The following HSF2BP variants were observed in gnomAD, a reference collection of about 807,000 sequenced individuals.
HSF2BP encodes heat shock transcription factor 2 binding protein.
Under a neutral mutation model 35.0 loss-of-function variants are expected in HSF2BP, and 35 were observed. The observed-to-expected ratio is 1.00, with a 90% CI of 0.76 to 1.32. The LOEUF is 1.32. HSF2BP is among the 40% of genes most tolerant of loss of function. The pLI is 0.00. For synonymous variants in HSF2BP, 114 were observed against 117.4 expected, an observed-to-expected ratio of 0.97 and a Z score of 0.18; for missense variants, 326 against 321.7, an observed-to-expected ratio of 1.01 and a Z score of -0.10.
intron 7 of HSF2BP, among the ~76,000 whole-genome samples, chr21:43,608,056 C>T (rs1444466537): frequency 1.3e-5 from 2 of 151,954 alleles, no homozygotes; most frequent in East Asian, 3.9e-4. Context: ...TTGACTGAGT[C>T]CTCAAAAGCA....
At chr21:43,648,304 GAGA>G (rs1244074864) in intron 3 of HSF2BP, among the ~76,000 whole-genome samples, 1 of 152,226 alleles carries the variant, frequency 6.6e-6, no homozygotes, top group African/African-American at 2.4e-5. Flanking sequence ...TGGAGGACTA[GAGA>G]AGATGACCAA....
chr21:43,608,314 G>T (rs2082159892), intron 7 of HSF2BP, among the ~76,000 whole-genome samples: 1 of 152,056 alleles, frequency 6.6e-6, no homozygotes, highest in Non-Finnish European at 1.5e-5. Flanking sequence ...CTTCTTAAAA[G>T]AAAACATATA....
intron 6 of HSF2BP, among the ~76,000 whole-genome samples, chr21:43,629,525 G>A (rs560894759): frequency 9.8e-5 from 15 of 152,298 alleles, no homozygotes; most frequent in East Asian, 1.9e-4. Flanking sequence ...AGATCACGCC[G>A]TTGCACTCCA....
chr21:43,592,407 G>A, intron 7 of HSF2BP, 79 bp from the exon 8 acceptor site: 1 of 866,254 alleles, frequency 1.2e-6, no homozygotes, highest in Non-Finnish European at 1.9e-6. Flanking sequence ...TAGTTAAGAG[G>A]AACTTAACGT....
Position 43,658,250 on chromosome 21 carries a change from A to G in HSF2BP, c.-154T>C, listed in dbSNP as rs2082908494. The G allele has an allele frequency of 1.1e-6, 1 of 876,318 alleles. No homozygotes were observed. Among genetic ancestry groups the G allele is most frequent in the African/African-American group, 1.8e-5 (1 of 56,810 alleles). The allele number at this position is 876,318 out of a possible 1,614,324, so 54.3% of individuals were successfully genotyped here. On this transcript the variant is annotated 5_prime_UTR_variant, in exon 2 of 9. Coordinates refer to ENST00000291560, the MANE Select transcript of HSF2BP (RefSeq NM_007031.2). ...AATTTGCGCAGTATTCTCGGCCTAG[A>G]GAGCGAGGAGTGGCCTTGGCGAGGT...
chr21:43,616,052 A>AAAATAT (rs57115434), intron 6 of HSF2BP, among the ~76,000 whole-genome samples: 10 of 143,972 alleles, frequency 6.9e-5, no homozygotes, highest in African/African-American at 2.1e-4. Flanking sequence ...AAAAAAAAAA[A>AAAATAT]ATATATATAT....
At chr21:43,499,732 CACCACACACTCAT>C in the HSF2BP span, among the ~76,000 whole-genome samples, 2 of 122,242 alleles carry the variant, frequency 1.6e-5, 1 homozygote, top group Non-Finnish European at 3.8e-5. Context: ...CCTGCTCACA[CACCACACACTCAT>C]ACCACACACT....
At chr21:43,610,575 C>T (rs2082191782) in intron 7 of HSF2BP, among the ~76,000 whole-genome samples, 1 of 152,152 alleles carries the variant, frequency 6.6e-6, no homozygotes, top group Admixed American at 6.5e-5. Flanking sequence ...CACTGCACTC[C>T]AGCCTGGGTA....
intron 6 of HSF2BP, among the ~76,000 whole-genome samples, chr21:43,627,155 A>C (rs202150297): frequency 3.3e-5 from 5 of 152,216 alleles, no homozygotes; most frequent in African/African-American, 1.2e-4. Context: ...TACAGGCGTA[A>C]GCCACCATGC....
At chr21:43,657,745 G>A in intron 2 of HSF2BP, 1 of 774,052 alleles carries the variant, frequency 1.3e-6, no homozygotes, top group Non-Finnish European at 1.6e-6. Flanking sequence ...CTTCGGAGGG[G>A]AACTGGGCTT....
chr21:43,648,002 C>T (rs1348523482), intron 3 of HSF2BP, among the ~76,000 whole-genome samples: 1 of 151,692 alleles, frequency 6.6e-6, no homozygotes, highest in East Asian at 1.9e-4. Flanking sequence ...TTTCCCAAAC[C>T]AGAGTCAGGG....
At chr21:43,605,710 CCA>C (rs997930605) in intron 7 of HSF2BP, among the ~76,000 whole-genome samples, 9 of 147,318 alleles carry the variant, frequency 6.1e-5, no homozygotes, top group African/African-American at 1.5e-4. Context: ...TACAAACACA[CCA>C]CAGTCACACA....
intron 3 of HSF2BP, among the ~76,000 whole-genome samples, chr21:43,656,230 T>A (rs2082866261): frequency 6.6e-6 from 1 of 152,226 alleles, no homozygotes; most frequent in Non-Finnish European, 1.5e-5. Flanking sequence ...TACTGACAAG[T>A]AAACTCCATG....
intron 3 of HSF2BP, 83 bp downstream of exon 3, chr21:43,656,504 T>G (rs1310458821): frequency 1.5e-6 from 2 of 1,323,920 alleles, no homozygotes; most frequent in African/African-American, 2.9e-5. Context: ...TACCTTAAAA[T>G]TCGTTTACAA....
intron 4 of HSF2BP, among the ~76,000 whole-genome samples, chr21:43,640,731 T>C (rs1481431090): frequency 6.6e-6 from 1 of 152,022 alleles, no homozygotes; most frequent in Non-Finnish European, 1.5e-5. Flanking sequence ...TTGAAACTTC[T>C]AGTGAATCTA....
At position 43,613,952 on chromosome 21, in the gene HSF2BP, A is replaced by T. The variant is rs1296753939; in HGVS notation, c.575-5T>A. On this transcript the variant is annotated splice_polypyrimidine_tract_variant and splice_region_variant and intron_variant, in intron 6 of 8. Transcript: ENST00000291560. ...CACATGCTATAGCAGCAACATCTGC[A>T]ACAGAAAATGAAACAAAACATCAAG... 3 of 1,595,104 alleles carry T rather than the reference A, an allele frequency of 1.9e-6. No individual in the cohort carries two copies. Among genetic ancestry groups the T allele is most frequent in the Non-Finnish European group, 2.6e-6 (3 of 1,165,184 alleles).
rs149591826 is a variant in HSF2BP at position 43,599,155 on chromosome 21, T to G, written c.693-6827A>C. On this transcript the variant is annotated intron_variant, in intron 7 of 8. Coordinates refer to ENST00000291560, the MANE Select transcript of HSF2BP (RefSeq NM_007031.2). ...TGCTGACTGCCATTTAGATTTAAGGTGGCAAAAACAACTCCCAAGTTGGCA... is the reference window on the plus strand; with the variant it reads ...TGCTGACTGCCATTTAGATTTAAGGGGGCAAAAACAACTCCCAAGTTGGCA... 2.4e-3 allele frequency among the ~76,000 whole-genome samples: 370 copies of G among 152,336 alleles called. 1 individual carries two copies. The highest frequency in any genetic ancestry group is 8.0e-3 in the African/African-American group (334 of 41,590).
chr21:43,631,886 C>T lies in HSF2BP; in HGVS notation c.441+1386G>A, dbSNP rs1390680247. 2.6e-5 allele frequency among the ~76,000 whole-genome samples: 4 copies of T among 151,498 alleles called. No individual in the cohort carries two copies. In the East Asian group the frequency reaches 5.8e-4, roughly 22 times the overall value. On this transcript the variant is annotated intron_variant, in intron 5 of 8. Coordinates refer to ENST00000291560, the MANE Select transcript of HSF2BP (RefSeq NM_007031.2). ...ATACATGTGCGTGTGCACGCTCCCA[C>T]ACACACACATGCTCCCACACACCCA...
chr21:43,600,419 T>C (rs1465110440), intron 7 of HSF2BP, among the ~76,000 whole-genome samples: 2 of 152,192 alleles, frequency 1.3e-5, no homozygotes, highest in African/African-American at 2.4e-5. Flanking sequence ...ATTAGCACCA[T>C]AAAGTAATTC....
Sources: allele counts gnomAD v4.1 joint callset (sites outside exome capture counted in the v4.1 genomes callset), GRCh38; gene constraint gnomAD v4.1.1; transcripts MANE v1.5; gene names NCBI Gene and HGNC (gene_info 2026-07-23, HGNC 2026-07-21).